The following RBX1 variants were observed in gnomAD, a reference collection of about 807,000 sequenced individuals.
The protein encoded by RBX1 is E3 ubiquitin-protein ligase RBX1.
For synonymous variants in RBX1, 48 were observed against 47.9 expected (o/e 1.00, Z -0.01); for missense variants, 46 against 141.4 (o/e 0.33, Z 3.42).
chr22:40,954,123 G>A (rs1333628050), intron 2 of RBX1, among the ~76,000 whole-genome samples: 1 of 152,044 alleles, frequency 6.6e-6, no homozygotes, highest in Non-Finnish European at 1.5e-5. Context: ...ACAAAAATTA[G>A]CTGGGCGTAC....
intron 4 of RBX1, among the ~76,000 whole-genome samples, chr22:40,971,882 G>A (rs546337014): frequency 1.3e-5 from 2 of 152,148 alleles, no homozygotes; most frequent in South Asian, 4.1e-4. Flanking sequence ...AATCTTCTTA[G>A]AGCCAAATTT....
At chr22:40,970,279 C>T (rs1313806945) in intron 4 of RBX1, among the ~76,000 whole-genome samples, 2 of 150,364 alleles carry the variant, frequency 1.3e-5, no homozygotes, top group Admixed American at 1.3e-4. Flanking sequence ...CTCTTGAACC[C>T]GGGAGCCCAG....
intron 4 of RBX1, among the ~76,000 whole-genome samples, chr22:40,968,194 G>A (rs990865298): frequency 4.0e-5 from 6 of 149,712 alleles, no homozygotes; most frequent in African/African-American, 1.2e-4. Flanking sequence ...AGATTCAAGC[G>A]ATCCTCCCAC....
At chr22:40,967,910 G>C in intron 4 of RBX1, 26 bp downstream of exon 4, 1 of 1,537,660 alleles carries the variant, frequency 6.5e-7, no homozygotes, top group Non-Finnish European at 9.0e-7. Flanking sequence ...TGTTTTGACG[G>C]GGCTTTTTGA....
intron 1 of RBX1, 139 bp from the exon 2 acceptor site, chr22:40,953,416 T>A: frequency 5.1e-6 from 3 of 590,764 alleles, no homozygotes; most frequent in Non-Finnish European, 9.5e-6. Flanking sequence ...ATAATAAGAT[T>A]AACGTAATAT....
chr22:40,971,390 A>C (rs2058368687), intron 4 of RBX1, among the ~76,000 whole-genome samples: 1 of 152,182 alleles, frequency 6.6e-6, no homozygotes, highest in South Asian at 2.1e-4. Context: ...TCTTATGAGA[A>C]GCTGTGATCC....
At chr22:40,956,782 T>C (rs1337615301) in intron 2 of RBX1, among the ~76,000 whole-genome samples, 1 of 150,282 alleles carries the variant, frequency 6.7e-6, no homozygotes, top group African/African-American at 2.4e-5. Flanking sequence ...ACACCTGTAA[T>C]CCCAGCACTT....
rs1264913193 is a variant in RBX1 at position 40,953,474 on chromosome 22, T to C, written c.79-81T>C. 4 of 922,978 alleles carry C rather than the reference T, an allele frequency of 4.3e-6. No homozygotes were observed. The African/African-American group carries it at 6.5e-5, about 15-fold the overall frequency. The allele number at this position is 922,978 out of a possible 1,614,324, so 57.2% of individuals were successfully genotyped here. On this transcript the variant is annotated intron_variant, in intron 1 of 4. Coordinates refer to ENST00000216225, the MANE Select transcript of RBX1 (RefSeq NM_014248.4). ...TCCCTGTGGCCAAAGAGATGATAAC[T>C]GCAGCTGCAGCCTGAGGTCCTAAAG...
At chr22:40,967,942 C>A in intron 4 of RBX1, 58 bp downstream of exon 4, 4 of 1,244,070 alleles carry the variant, frequency 3.2e-6, no homozygotes, top group Non-Finnish European at 4.7e-6. Flanking sequence ...CTGAAAGGAG[C>A]GTGGTCTTGG....
At chr22:40,960,002 C>T (rs964774232) in intron 2 of RBX1, among the ~76,000 whole-genome samples, 3 of 152,026 alleles carry the variant, frequency 2.0e-5, no homozygotes, top group African/African-American at 7.3e-5. Context: ...CCTGTAATCC[C>T]TGCTACTTGG....
chr22:40,968,883 A>T, intron 4 of RBX1, among the ~76,000 whole-genome samples: 1 of 145,380 alleles, frequency 6.9e-6, no homozygotes, highest in African/African-American at 2.6e-5. Context: ...CATTTTGGAG[A>T]TTTTCCATTT....
intron 2 of RBX1, among the ~76,000 whole-genome samples, chr22:40,960,111 C>CT (rs924549027): frequency 1.6e-4 from 24 of 150,776 alleles, no homozygotes; most frequent in African/African-American, 5.8e-4. Context: ...GCGAGACTGT[C>CT]TAAAAAAAAA....
At chr22:40,953,997 C>T (rs531898798) in intron 2 of RBX1, among the ~76,000 whole-genome samples, 5 of 152,074 alleles carry the variant, frequency 3.3e-5, no homozygotes, top group Non-Finnish European at 2.9e-5. Flanking sequence ...TGAGGCCAAG[C>T]GCAGTGGCTC....
intron 2 of RBX1, 127 bp from the exon 3 acceptor site, chr22:40,963,920 C>T: frequency 1.4e-6 from 1 of 694,886 alleles, no homozygotes; most frequent in South Asian, 1.7e-5. Flanking sequence ...CTTCTCTGTT[C>T]TTCCTTTCCC....
chr22:40,967,893 CTT>C lies in RBX1; in HGVS notation c.314+11_314+12del. 2 of 1,602,062 alleles carry C rather than the reference CTT, an allele frequency of 1.2e-6. No homozygotes were observed. The highest frequency in any genetic ancestry group is 2.2e-5 in the East Asian group (1 of 44,840). On this transcript the variant is annotated intron_variant, in intron 4 of 4. Transcript: ENST00000216225. The stretch of plus-strand genomic sequence containing the variant: ...GAGTGGGAATTCCAAAAGTAGGTAT[CTT>C]TGGTTGTTTTGACGGGGCTTTTTGA...
At chr22:40,962,427 A>G (rs142704683) in intron 2 of RBX1, among the ~76,000 whole-genome samples, 177 of 151,052 alleles carry the variant, frequency 1.2e-3, no homozygotes, top group African/African-American at 4.0e-3. Context: ...AGGTATTATC[A>G]TGGTATCTCT....
At chr22:40,968,849 CT>C (rs1241784007) in intron 4 of RBX1, among the ~76,000 whole-genome samples, 5,126 of 132,972 alleles carry the variant, frequency 0.039, 580 homozygotes, top group Admixed American at 0.26. Context: ...AGTAATTCAC[CT>C]TTTTTTTTTT....
chr22:40,968,267 T>C (rs1207341108), intron 4 of RBX1, among the ~76,000 whole-genome samples: 1 of 151,946 alleles, frequency 6.6e-6, no homozygotes, highest in Non-Finnish European at 1.5e-5. Context: ...ATTTTTGTAT[T>C]TTTCGTAGAG....
At position 40,972,638 on chromosome 22, in the gene RBX1, CAAAT is replaced by C. The variant is rs1005496159; in HGVS notation, c.*154_*157del. On this transcript the variant is annotated 3_prime_UTR_variant, in exon 5 of 5. Coordinates refer to ENST00000216225, the MANE Select transcript of RBX1 (RefSeq NM_014248.4). ...TCTGTAGCCATATTGTATTCTGTGT[CAAAT>C]AAAGTCCAGTTGGATTCTGGAACGG... The C allele has an allele frequency of 4.7e-6, 3 of 631,762 alleles. No individual in the cohort carries two copies. The highest frequency in any genetic ancestry group is 2.8e-5 in the Admixed American group (1 of 36,320). 39.1% of individuals were successfully genotyped at this position (631,762 alleles called of 1,614,324 possible).
Sources: gnomAD v4.1 joint callset for allele counts (sites outside exome capture counted in the v4.1 genomes callset) on GRCh38, gnomAD v4.1.1 for gene constraint, MANE v1.5 for transcripts, NCBI Gene and HGNC (gene_info 2026-07-23, HGNC 2026-07-21) for gene names.